TRIP13: variants seen among roughly 807,000 people sequenced by gnomAD.
The protein encoded by TRIP13 is pachytene checkpoint protein 2 homolog.
A neutral mutation model predicts 54.4 loss-of-function variants in TRIP13; 25 were observed. The observed-to-expected ratio is 0.46, with a 90% confidence interval of 0.33 to 0.64. The LOEUF is 0.64. Among genes scored for constraint, TRIP13 ranks in the 30% least tolerant of loss-of-function variants. The pLI is 0.02. For synonymous variants in TRIP13, 207 were observed against 207.8 expected, an observed-to-expected ratio of 1.00 and a Z score of 0.03; for missense variants, 373 against 534.2, an observed-to-expected ratio of 0.70 and a Z score of 2.97.
In TRIP13 at chr5:911,260, G is replaced by A. The variant is rs115271231; in HGVS notation, c.867-583G>A. Among the ~76,000 whole-genome samples, 1,559 of 152,312 alleles carry A rather than the reference G, an allele frequency of 0.01. 22 individuals are homozygous for A. The highest frequency in any genetic ancestry group is 0.034 in the African/African-American group (1,431 of 41,578). On this transcript the variant is annotated intron_variant, in intron 9 of 12. Coordinates refer to ENST00000166345, the MANE Select transcript of TRIP13 (RefSeq NM_004237.4). This position sits in a 1 kb window ranked among gnomAD's most constrained non-coding sequence, Gnocchi z 4.7. The stretch of plus-strand genomic sequence containing the variant: ...AGCCCACGGTAGGTGGCACAATCAG[G>A]AACGCCATGCGAAAGTGAGATCCTT...
chr5:901,307 A>G (rs1256504984), intron 4 of TRIP13, 34 bp from the exon 5 acceptor site: 1 of 1,602,252 alleles, frequency 6.2e-7, no homozygotes, highest in Non-Finnish European at 8.5e-7. Flanking sequence ...CCTTGTTGGT[A>G]TCTTTGTCAA....
intron 2 of TRIP13, among the ~76,000 whole-genome samples, chr5:896,086 A>G (rs1322407668): frequency 6.6e-6 from 1 of 152,244 alleles, no homozygotes; most frequent in Non-Finnish European, 1.5e-5. Context: ...GAAGGATGGA[A>G]GGATCACTTG....
chr5:907,533 C>T lies in TRIP13; in HGVS notation c.672+340C>T, dbSNP rs1242075752. 2.0e-5 allele frequency among the ~76,000 whole-genome samples: 3 copies of T among 152,234 alleles called. No homozygotes were observed. The highest frequency in any genetic ancestry group is 4.4e-5 in the Non-Finnish European group (3 of 68,046). ...TTGAGGGGGTCAGACAAGGTGATGT[C>T]ACATGTGATTCTTACCTCTGAGGAG... On this transcript the variant is annotated intron_variant, in intron 7 of 12. Coordinates refer to ENST00000166345, the MANE Select transcript of TRIP13 (RefSeq NM_004237.4). The surrounding 1 kb of genome is among the most constrained non-coding windows in gnomAD (Gnocchi z 4.1).
At position 901,232 on chromosome 5, in the gene TRIP13, C is replaced by T. The variant is rs115343669; in HGVS notation, c.445-109C>T. The T allele has an allele frequency of 1.6e-3, 1,505 of 932,676 alleles. 10 individuals are homozygous for T. The African/African-American group carries it at 0.023, about 14-fold the overall frequency. The allele number at this position is 932,676 out of a possible 1,614,324, so 57.8% of individuals were successfully genotyped here. ...GATCTCTTAGGAGGCGGCCTCGCTC[C>T]CTGTGCTCCCTCTTCTCATGTAGGA... On this transcript the variant is annotated intron_variant, in intron 4 of 12. Transcript: ENST00000166345.
rs961671629 is a variant in TRIP13 at position 911,684 on chromosome 5, T to G, written c.867-159T>G. Among the ~76,000 whole-genome samples, 6 of 152,106 alleles carry G rather than the reference T, an allele frequency of 3.9e-5. No individual in the cohort carries two copies. The highest frequency in any genetic ancestry group is 7.4e-5 in the Non-Finnish European group (5 of 68,020). On this transcript the variant is annotated intron_variant, in intron 9 of 12. Transcript: ENST00000166345. This position sits in a 1 kb window ranked among gnomAD's most constrained non-coding sequence, Gnocchi z 4.7. The stretch of plus-strand genomic sequence containing the variant: ...GCCAAGGAGCAGCGAGAGCAAAGGC[T>G]GGGGGGTCTGCGTGGCCTGTGTTGG...
rs770044851 is a variant in TRIP13, at chr5:896,799, G to A, written c.388+5G>A. ...ATCACTGGGTTCTACCTGCAGGTAT[G>A]GGGTGTGATGGGAGTTGAAGGGGAG... On this transcript the variant is annotated splice_donor_5th_base_variant and intron_variant, in intron 3 of 12. Transcript: ENST00000166345. The A allele has an allele frequency of 6.2e-7, 1 of 1,612,552 alleles. No homozygotes were observed. The highest frequency in any genetic ancestry group is 2.2e-5 in the East Asian group (1 of 44,850).
chr5:908,341 C>T lies in TRIP13; in HGVS notation c.760-14C>T. On this transcript the variant is annotated splice_polypyrimidine_tract_variant and intron_variant, in intron 8 of 12. Coordinates refer to ENST00000166345, the MANE Select transcript of TRIP13 (RefSeq NM_004237.4). The surrounding 1 kb of genome is among the most constrained non-coding windows in gnomAD (Gnocchi z 5.2). ...GGCCCTGTCCTTTTTGACCCCACTG[C>T]TCCCTCCCAACAGGTGGAGAGTCTC... is the stretch of plus-strand genomic sequence containing the variant. The T allele has an allele frequency of 6.2e-7, 1 of 1,609,410 alleles. No individual in the cohort carries two copies.
At chr5:910,851 T>C (rs1453060225) in intron 9 of TRIP13, among the ~76,000 whole-genome samples, 1 of 152,228 alleles carries the variant, frequency 6.6e-6, no homozygotes, top group East Asian at 1.9e-4. Context: ...CCAACCTCTG[T>C]GCCTTGTTCC....
chr5:892,954 C>G lies in TRIP13; in HGVS notation c.-45C>G. 7.0e-7 allele frequency: 1 copy of G among 1,431,752 alleles called. No individual in the cohort carries two copies. The highest frequency in any genetic ancestry group is 9.2e-7 in the Non-Finnish European group (1 of 1,090,386). The allele number at this position is 1,431,752 out of a possible 1,614,324, so 88.7% of individuals were successfully genotyped here. A position where few individuals can be genotyped will look rare whatever the true frequency, so the allele number is the denominator to read the frequency against. ...GGCGGCGACGCTGGGCGTGAGGTGG[C>G]GGCGGCCGCGCCCTGGTTGGGTCCC... On this transcript the variant is annotated 5_prime_UTR_variant, in exon 1 of 13. Coordinates refer to ENST00000166345, the MANE Select transcript of TRIP13 (RefSeq NM_004237.4).
chr5:909,573 C>T (rs996050184), intron 9 of TRIP13, among the ~76,000 whole-genome samples: 15 of 152,028 alleles, frequency 9.9e-5, no homozygotes, highest in Non-Finnish European at 1.2e-4. Context: ...CCTAACCCAG[C>T]GGCGCTAGAG....
At chr5:893,132 G>GGCCCCCCCCCCCCCCC in intron 1 of TRIP13, 42 bp downstream of exon 1, 1 of 1,264,120 alleles carries the variant, frequency 7.9e-7, no homozygotes, top group Non-Finnish European at 1.0e-6. Context: ...GCACCCACCC[G>GGCCCCCCCCCCCCCCC]CCCCGACCCC....
rs1023767173 is a variant in TRIP13 at position 911,293 on chromosome 5, C to G, written c.867-550C>G. ...TGCGAAAGTGAGATCCTTGCTAGGC[C>G]GGGCGCGGTGGCTTACGCCTGTAAT... On this transcript the variant is annotated intron_variant, in intron 9 of 12. Transcript: ENST00000166345. The surrounding 1 kb of genome is among the most constrained non-coding windows in gnomAD (Gnocchi z 4.7). Among the ~76,000 whole-genome samples, 4 of 152,132 alleles carry G rather than the reference C, an allele frequency of 2.6e-5. No individual in the cohort carries two copies. The highest frequency in any genetic ancestry group is 9.7e-5 in the African/African-American group (4 of 41,432).
rs972584175 is a variant in TRIP13 at position 916,106 on chromosome 5, G to A, written c.1203+133G>A. 4.3e-6 allele frequency: 4 copies of A among 938,594 alleles called. No homozygotes were observed. In the African/African-American group the frequency reaches 6.5e-5, roughly 15 times the overall value. 58.1% of individuals were successfully genotyped at this position (938,594 alleles called of 1,614,324 possible). A position where few individuals can be genotyped will look rare whatever the true frequency, so the allele number is the denominator to read the frequency against. On this transcript the variant is annotated intron_variant, in intron 12 of 12. Transcript: ENST00000166345. The stretch of plus-strand genomic sequence containing the variant: ...TCTAAACCACAGGGTCCTGGGGCCG[G>A]AGGAGGAGCTGACCTTGGCACCGAA...
intron 1 of TRIP13, among the ~76,000 whole-genome samples, chr5:894,019 A>C (rs1753806042): frequency 6.6e-6 from 1 of 152,196 alleles, no homozygotes; most frequent in Admixed American, 6.5e-5. Context: ...CCTAGAGGAC[A>C]GACACCTACG....
At chr5:901,169 G>A (rs1328812852) in intron 4 of TRIP13, among the ~76,000 whole-genome samples, 172 bp from the exon 5 acceptor site, 2 of 152,152 alleles carry the variant, frequency 1.3e-5, no homozygotes, top group Non-Finnish European at 2.9e-5. Context: ...CCTTTTGGAA[G>A]CACCTTCTCT....
chr5:910,071 G>C (rs1580058981), intron 9 of TRIP13, among the ~76,000 whole-genome samples: 2 of 152,176 alleles, frequency 1.3e-5, no homozygotes, highest in South Asian at 2.1e-4. Context: ...CTGGAGGGGG[G>C]CCTCCCCTGC....
At position 911,500 on chromosome 5, in the gene TRIP13, G is replaced by A. The variant is rs929491430; in HGVS notation, c.867-343G>A. On this transcript the variant is annotated intron_variant, in intron 9 of 12. Coordinates refer to ENST00000166345, the MANE Select transcript of TRIP13 (RefSeq NM_004237.4). This position sits in a 1 kb window ranked among gnomAD's most constrained non-coding sequence, Gnocchi z 4.7. ...GCAGGAGAATGGTGTGAACCGGCGA[G>A]GCGGAGCTTGCAGTGAGCCGAGATA... is the stretch of plus-strand genomic sequence containing the variant. 6.6e-6 allele frequency among the ~76,000 whole-genome samples: 1 copy of A among 152,094 alleles called. No homozygotes were observed. Among genetic ancestry groups the A allele is most frequent in the African/African-American group, 2.4e-5 (1 of 41,408 alleles).
At chr5:900,592 G>A (rs1560944925) in intron 4 of TRIP13, 43 bp downstream of exon 4, 4 of 1,602,852 alleles carry the variant, frequency 2.5e-6, no homozygotes, top group Non-Finnish European at 3.4e-6. Flanking sequence ...GTTATTTGAA[G>A]AGGAACCATT....
In TRIP13 at chr5:915,633, G is replaced by A. The variant is rs1484239144; in HGVS notation, c.1134-271G>A. ...GGCAGAGCACACAGGTGTGCCTTGG[G>A]TGTGCTTCAGAGCCGCGAGGACACT... On this transcript the variant is annotated intron_variant, in intron 11 of 12. Transcript: ENST00000166345. This position sits in a 1 kb window ranked among gnomAD's most constrained non-coding sequence, Gnocchi z 4.2. Among the ~76,000 whole-genome samples the A allele has an allele frequency of 1.3e-5, 2 of 152,222 alleles. No homozygotes were observed. Among genetic ancestry groups the A allele is most frequent in the South Asian group, 4.1e-4 (2 of 4,832 alleles).
Sources: gnomAD v4.1 joint callset for allele counts (sites outside exome capture counted in the v4.1 genomes callset) on GRCh38, gnomAD v4.1.1 for gene constraint, Gnocchi (gnomAD v3.1) non-coding constraint, MANE v1.5 for transcripts, NCBI Gene and HGNC (gene_info 2026-07-23, HGNC 2026-07-21) for gene names.